Variants in TCP11L1 observed in about 807,000 individuals in gnomAD.
TCP11L1 encodes the protein t-complex 11 like 1.
Under a neutral mutation model 48.9 loss-of-function variants are expected in TCP11L1, and 28 were observed. That is an observed-to-expected ratio of 0.57 (90% CI 0.42 to 0.78). The LOEUF is 0.78. Ranked by LOEUF, TCP11L1 falls within the 30% of genes least tolerant of loss-of-function variation. The pLI, the probability that TCP11L1 is intolerant of heterozygous loss-of-function variation, is 0.00. For missense variants in TCP11L1, 505 were observed against 613.4 expected (o/e 0.82, Z 1.87); for synonymous variants, 204 against 231.9 (o/e 0.88, Z 1.09).
chr11:33,054,654 C>G lies in TCP11L1; in HGVS notation c.225C>G (p.Asn75Lys). 1 of 1,614,014 alleles carries G rather than the reference C, an allele frequency of 6.2e-7. No individual in the cohort carries two copies. ...TAGAGACAGCGAGAGGTGTCACCAA[C>G]ATGGCTCTAGCCCATGAAATTGTAG... ...ELLETARGVT[N>K]MALAHEIVVN... Residue 75 changes from asparagine (N) to lysine (K), a missense_variant, in exon 3 of 10, where the codon AAC becomes AAG. Physicochemically the swap from Asn to Lys is moderately conservative, Grantham distance 94. This residue lies in a region of TCP11L1 where 168 missense variants were observed against 183.5 expected (regional missense o/e 0.92). Coordinates refer to ENST00000334274, the MANE Select transcript of TCP11L1 (RefSeq NM_018393.4).
Position 33,043,955 on chromosome 11 carries a change from G to T in TCP11L1, c.163+19G>T. ...CCTCACTGTAAGCAAATTTGACTTTGGTTAGATGCAATATTGTCATTGTTT... is the reference window on the plus strand; with the variant it reads ...CCTCACTGTAAGCAAATTTGACTTTTGTTAGATGCAATATTGTCATTGTTT... On this transcript the variant is annotated intron_variant, in intron 2 of 9. Transcript: ENST00000334274. 1 of 1,576,838 alleles carries T rather than the reference G, an allele frequency of 6.3e-7. No individual in the cohort carries two copies. The highest frequency in any genetic ancestry group is 1.2e-5 in the South Asian group (1 of 84,382).
At chr11:33,044,855 C>T (rs570027611) in intron 2 of TCP11L1, among the ~76,000 whole-genome samples, 36 of 152,228 alleles carry the variant, frequency 2.4e-4, no homozygotes, top group African/African-American at 8.7e-4. Context: ...ATTTGTCAGG[C>T]CTGACTCCAA....
At chr11:33,046,041 A>G (rs1337663666) in intron 2 of TCP11L1, among the ~76,000 whole-genome samples, 1 of 152,288 alleles carries the variant, frequency 6.6e-6, no homozygotes, top group Non-Finnish European at 1.5e-5. Context: ...AAGTCTAGAC[A>G]CATTCCAGAG....
At chr11:33,051,564 T>C (rs1250048941) in intron 2 of TCP11L1, among the ~76,000 whole-genome samples, 2 of 152,198 alleles carry the variant, frequency 1.3e-5, no homozygotes, top group African/African-American at 4.8e-5. Flanking sequence ...AGTATTGCTC[T>C]GTCACCCAGA....
chr11:33,063,681 G>A (rs1854529326), intron 7 of TCP11L1, among the ~76,000 whole-genome samples: 2 of 152,168 alleles, frequency 1.3e-5, no homozygotes, highest in South Asian at 2.1e-4. Context: ...TAGCTGTTTT[G>A]TTATGTAGAC....
intron 9 of TCP11L1, 78 bp downstream of exon 9, chr11:33,068,937 G>T (rs984563301): frequency 6.5e-7 from 1 of 1,528,848 alleles, no homozygotes; most frequent in African/African-American, 1.4e-5. Context: ...GAAACCTGAG[G>T]GCTCAGCTGG....
In TCP11L1 at chr11:33,072,846, C is replaced by G; in HGVS notation, c.*170C>G. Reference sequence around the variant, plus strand: ...TTGAAAAGACTTGTTGAGAAATCCACTGAATTCTATTTTGAGAGATTGTAT... The same window carrying G: ...TTGAAAAGACTTGTTGAGAAATCCAGTGAATTCTATTTTGAGAGATTGTAT... On this transcript the variant is annotated 3_prime_UTR_variant, in exon 10 of 10. Transcript: ENST00000334274. 1.4e-6 allele frequency: 1 copy of G among 707,008 alleles called. No homozygotes were observed. Among genetic ancestry groups the G allele is most frequent in the Non-Finnish European group, 2.3e-6 (1 of 429,538 alleles). 43.8% of individuals were successfully genotyped at this position (707,008 alleles called of 1,614,324 possible). A position where few individuals can be genotyped will look rare whatever the true frequency, so the allele number is the denominator to read the frequency against.
intron 5 of TCP11L1, among the ~76,000 whole-genome samples, chr11:33,058,351 A>G (rs1385476859): frequency 6.6e-6 from 1 of 151,918 alleles, no homozygotes; most frequent in African/African-American, 2.4e-5. Context: ...GGCACGCACC[A>G]CCGTGCCCAG....
chr11:33,059,534 A>T (rs1414501311), intron 6 of TCP11L1, among the ~76,000 whole-genome samples: 1 of 152,184 alleles, frequency 6.6e-6, no homozygotes, highest in African/African-American at 2.4e-5. Context: ...CATACCCAGG[A>T]AGAGTCTCAT....
intron 2 of TCP11L1, among the ~76,000 whole-genome samples, chr11:33,050,417 C>T (rs562258760): frequency 1.4e-3 from 98 of 71,268 alleles, no homozygotes; most frequent in Non-Finnish European, 2.7e-3. Context: ...TTGATAATAA[C>T]ACCTGATGCT....
rs934533071 is a variant in TCP11L1 at position 33,073,439 on chromosome 11, G to T, written c.*763G>T. The T allele has an allele frequency of 2.0e-5, 3 of 151,230 alleles. No homozygotes were observed. Among genetic ancestry groups the T allele is most frequent in the Admixed American group, 6.6e-5 (1 of 15,224 alleles). 9.4% of individuals were successfully genotyped at this position (151,230 alleles called of 1,614,324 possible). ...TGACTTTCAAGCCTTGAAAGTCAAG[G>T]AGGAAATGTATTGAAAAATAGTTTA... is the stretch of plus-strand genomic sequence containing the variant. On this transcript the variant is annotated 3_prime_UTR_variant, in exon 10 of 10. Coordinates refer to ENST00000334274, the MANE Select transcript of TCP11L1 (RefSeq NM_018393.4).
intron 9 of TCP11L1, among the ~76,000 whole-genome samples, chr11:33,070,785 T>G (rs1343861339): frequency 6.6e-6 from 1 of 151,532 alleles, no homozygotes; most frequent in Non-Finnish European, 1.5e-5. Context: ...GCAGATTACC[T>G]GAGGTCAGGA....
chr11:33,065,074 G>T (rs1323948383), intron 7 of TCP11L1, among the ~76,000 whole-genome samples: 1 of 152,246 alleles, frequency 6.6e-6, no homozygotes, highest in African/African-American at 2.4e-5. Context: ...ACTGGGAGGA[G>T]TTGGTGACCC....
intron 6 of TCP11L1, among the ~76,000 whole-genome samples, chr11:33,059,405 C>T (rs1281794936): frequency 6.6e-6 from 1 of 152,102 alleles, no homozygotes; most frequent in East Asian, 1.9e-4. Flanking sequence ...CATTCTTGGT[C>T]TTGATTTTTG....
chr11:33,043,303 A>G (rs1853893298), intron 1 of TCP11L1, among the ~76,000 whole-genome samples: 1 of 152,214 alleles, frequency 6.6e-6, no homozygotes, highest in South Asian at 2.1e-4. Flanking sequence ...TCAAGGAATC[A>G]ACCCTTTAGC....
chr11:33,073,383 G>A lies in TCP11L1; in HGVS notation c.*707G>A, dbSNP rs1181584756. 6.8e-6 allele frequency: 1 copy of A among 147,110 alleles called. No individual in the cohort carries two copies. Among genetic ancestry groups the A allele is most frequent in the Non-Finnish European group, 1.5e-5 (1 of 64,870 alleles). The allele number at this position is 147,110 out of a possible 1,614,324, so 9.1% of individuals were successfully genotyped here. On this transcript the variant is annotated 3_prime_UTR_variant, in exon 10 of 10. Transcript: ENST00000334274. ...CCTGCATCTGGTTGAGAGCAGTTAT[G>A]ACTTATGAGATCTAGTGAAAGGAAA...
intron 3 of TCP11L1, among the ~76,000 whole-genome samples, chr11:33,056,421 T>C (rs1312507853): frequency 6.6e-6 from 1 of 152,164 alleles, no homozygotes; most frequent in Non-Finnish European, 1.5e-5. Flanking sequence ...AATACTGGTT[T>C]TAATGAAATG....
rs766783725 is a variant in TCP11L1 at position 33,072,642 on chromosome 11, A to C, written c.1496A>C (p.Asp499Ala). The C allele has an allele frequency of 6.2e-7, 1 of 1,614,126 alleles. No homozygotes were observed. Among genetic ancestry groups the C allele is most frequent in the Non-Finnish European group, 8.5e-7 (1 of 1,180,024 alleles). ...YNKMVFCPYY[D>A]AILSKILVRS is the part of the protein sequence containing the mutation. The stretch of plus-strand genomic sequence containing the variant: ...AAGATGGTCTTCTGTCCCTACTACG[A>C]TGCAATCCTGAGTAAGATCCTCGTC... Residue 499 changes from aspartate to alanine, a missense_variant, in exon 10 of 10, where the codon GAT becomes GCT. By Grantham distance (126) the Asp-to-Ala change is moderately radical. This residue lies in a region of TCP11L1 where 335 missense variants were observed against 413.3 expected (regional missense o/e 0.81). Transcript: ENST00000334274.
intron 2 of TCP11L1, among the ~76,000 whole-genome samples, chr11:33,045,040 A>G (rs990797759): frequency 6.6e-6 from 1 of 152,178 alleles, no homozygotes; most frequent in African/African-American, 2.4e-5. Flanking sequence ...TACTAACATT[A>G]TGTCATCTAT....
Sources: gnomAD v4.1 joint callset for allele counts (sites outside exome capture counted in the v4.1 genomes callset) on GRCh38, gnomAD v4.1.1 for gene constraint, gnomAD v4.1.1 regional missense constraint, MANE v1.5 for transcripts, NCBI Gene and HGNC (gene_info 2026-07-23, HGNC 2026-07-21) for gene names.